The following SPOCK3 variants were observed in gnomAD, a reference collection of about 807,000 sequenced individuals.
SPOCK3 encodes the protein testican-3.
SPOCK3 carries 30 observed loss-of-function variants against 56.6 expected under a neutral mutation model. The ratio of observed to expected loss-of-function variants is 0.53; its 90% CI spans 0.40 to 0.72. SPOCK3 has a LOEUF of 0.72. Ranked by LOEUF, SPOCK3 falls within the 30% of genes least tolerant of loss-of-function variation. The probability of loss-of-function intolerance (pLI) is 0.00; values close to 1 mark genes in which losing one functional copy is unlikely to be tolerated. For missense variants in SPOCK3, 527 were observed against 530.0 expected, an observed-to-expected ratio of 0.99 and a Z score of 0.06; for synonymous variants, 196 against 183.3, an observed-to-expected ratio of 1.07 and a Z score of -0.56.
intron 4 of SPOCK3, among the ~76,000 whole-genome samples, chr4:166,981,806 G>T (rs1423585457): frequency 6.6e-6 from 1 of 152,148 alleles, no homozygotes; most frequent in Non-Finnish European, 1.5e-5. Context: ...CTGCTGGCCT[G>T]CACAAGCTGG....
intron 5 of SPOCK3, among the ~76,000 whole-genome samples, chr4:166,903,024 C>T (rs1736222361): frequency 1.3e-5 from 2 of 149,298 alleles, no homozygotes; most frequent in Admixed American, 1.3e-4. Flanking sequence ...ACTCTTGCTC[C>T]TGTTAGCTTG....
At chr4:167,129,660 TATGTAGAATCATAAAAC>T (rs1173680234) in intron 2 of SPOCK3, among the ~76,000 whole-genome samples, 1 of 152,206 alleles carries the variant, frequency 6.6e-6, no homozygotes, top group African/African-American at 2.4e-5. Flanking sequence ...CACAAACTGC[TATGTAGAATCATAAAAC>T]ATGTAGTCAG....
intron 3 of SPOCK3, among the ~76,000 whole-genome samples, chr4:167,035,852 A>G (rs952334237): frequency 5.3e-5 from 8 of 152,284 alleles, no homozygotes; most frequent in African/African-American, 1.9e-4. Flanking sequence ...GGAGTTCCAC[A>G]ATTACTACTT....
chr4:166,785,866 A>C (rs1740675993), intron 7 of SPOCK3, among the ~76,000 whole-genome samples: 1 of 152,152 alleles, frequency 6.6e-6, no homozygotes, highest in South Asian at 2.1e-4. Flanking sequence ...TCCAGGTAAC[A>C]ATTTGTGATT....
At chr4:167,094,079 A>G (rs4992204) in intron 2 of SPOCK3, among the ~76,000 whole-genome samples, 91,256 of 151,888 alleles carry the variant, frequency 0.6, 28,614 homozygotes, top group East Asian at 0.78. Flanking sequence ...TAAATATAAA[A>G]TAGAGGTAAA....
chr4:167,070,149 A>G (rs77555191), intron 2 of SPOCK3, among the ~76,000 whole-genome samples: 103 of 152,066 alleles, frequency 6.8e-4, no homozygotes, highest in African/African-American at 2.5e-3. Context: ...CAAACACAAC[A>G]AAAATTACAG....
intron 2 of SPOCK3, among the ~76,000 whole-genome samples, chr4:167,127,686 C>T (rs1027933425): frequency 6.6e-6 from 1 of 152,062 alleles, no homozygotes; most frequent in Non-Finnish European, 1.5e-5. Flanking sequence ...CCTCGGCCTC[C>T]GAAAGTGCTG....
At chr4:167,150,498 G>A (rs1764323580) in intron 2 of SPOCK3, among the ~76,000 whole-genome samples, 1 of 151,940 alleles carries the variant, frequency 6.6e-6, no homozygotes, top group Admixed American at 6.6e-5. Flanking sequence ...TCCTGAAAGA[G>A]GGTGGAAAGA....
intron 6 of SPOCK3, among the ~76,000 whole-genome samples, chr4:166,806,305 A>G (rs1022996522): frequency 6.6e-6 from 1 of 152,098 alleles, no homozygotes; most frequent in Non-Finnish European, 1.5e-5. Flanking sequence ...TTTGATTACA[A>G]TCAATACATA....
chr4:167,187,727 A>G (rs1035809851), intron 2 of SPOCK3, among the ~76,000 whole-genome samples: 3 of 152,268 alleles, frequency 2.0e-5, no homozygotes, highest in East Asian at 1.9e-4. Context: ...ATAATTTTAG[A>G]AAAATGAACT....
At position 167,062,485 on chromosome 4, in the gene SPOCK3, T is replaced by C. The variant is rs758025369; in HGVS notation, c.235+7A>G. 4.4e-6 allele frequency: 7 copies of C among 1,590,858 alleles called. No homozygotes were observed. The highest frequency in any genetic ancestry group is 1.7e-6 in the Non-Finnish European group (2 of 1,161,098). On this transcript the variant is annotated splice_region_variant and intron_variant, in intron 3 of 10. Coordinates refer to ENST00000357545, the MANE Select transcript of SPOCK3 (RefSeq NM_001040159.2). ...AGGTTTTTATTTTAAAATAGTTAGA[T>C]TCTTACCCTGATCGAAGGGTTTTCC...
rs575313251 is a variant in SPOCK3, at chr4:166,870,249, A to G, written c.589+18881T>C. On this transcript the variant is annotated intron_variant, in intron 6 of 10. Transcript: ENST00000357545. ...TAGTTGGAACCAAAGCTATCAAAGT[A>G]ATAAGTTGATAGTGGCACTATTATA... is the stretch of plus-strand genomic sequence containing the variant. Among the ~76,000 whole-genome samples, 6 of 152,238 alleles carry G rather than the reference A, an allele frequency of 3.9e-5. No homozygotes were observed. In the South Asian group the frequency reaches 1.2e-3, roughly 32 times the overall value.
rs536997478 is a variant in SPOCK3 at position 167,123,154 on chromosome 4, C to T, written c.190-60617G>A. ...ACATTGAGTGAGGCAAATAAAATTA[C>T]AAGAACATAGAAAAGTTGAATAATG... On this transcript the variant is annotated intron_variant, in intron 2 of 10. Transcript: ENST00000357545. Among the ~76,000 whole-genome samples the T allele has an allele frequency of 4.6e-5, 7 of 151,774 alleles. No homozygotes were observed. The East Asian group carries it at 1.4e-3, about 30-fold the overall frequency.
chr4:167,157,079 T>C (rs1764878233), intron 2 of SPOCK3, among the ~76,000 whole-genome samples: 1 of 152,008 alleles, frequency 6.6e-6, no homozygotes, highest in African/African-American at 2.4e-5. Flanking sequence ...AAATATAATA[T>C]TCAGAACAAC....
At chr4:167,119,833 G>A in intron 2 of SPOCK3, 1 of 1,534,154 alleles carries the variant, frequency 6.5e-7, no homozygotes, top group African/African-American at 1.4e-5. Flanking sequence ...GATCTTGTGT[G>A]ATCATCACTA....
At chr4:167,231,477 C>A (rs1737174159) in intron 2 of SPOCK3, among the ~76,000 whole-genome samples, 1 of 152,042 alleles carries the variant, frequency 6.6e-6, no homozygotes, top group Non-Finnish European at 1.5e-5. Flanking sequence ...TGTTTCTTTG[C>A]CCTCATATAA....
At chr4:166,997,964 C>T (rs916527141) in intron 4 of SPOCK3, among the ~76,000 whole-genome samples, 1 of 152,128 alleles carries the variant, frequency 6.6e-6, no homozygotes, top group African/African-American at 2.4e-5. Flanking sequence ...CCTGCTTTCT[C>T]TACCACATCC....
chr4:166,804,632 T>A (rs1412272734), intron 6 of SPOCK3, among the ~76,000 whole-genome samples: 2 of 152,156 alleles, frequency 1.3e-5, no homozygotes, highest in African/African-American at 4.8e-5. Flanking sequence ...CATTTAGAAA[T>A]CTTTGTATGT....
At chr4:167,203,265 C>G (rs1027232118) in intron 2 of SPOCK3, among the ~76,000 whole-genome samples, 1 of 151,852 alleles carries the variant, frequency 6.6e-6, no homozygotes, top group Non-Finnish European at 1.5e-5. Context: ...AAGCAAACCA[C>G]TTCCATTTTG....
Sources: gnomAD v4.1 joint callset for allele counts (sites outside exome capture counted in the v4.1 genomes callset) on GRCh38, gnomAD v4.1.1 for gene constraint, MANE v1.5 for transcripts, NCBI Gene and HGNC (gene_info 2026-07-23, HGNC 2026-07-21) for gene names.